The following ENOX1 variants were observed in gnomAD, a reference collection of about 807,000 sequenced individuals.
ENOX1 encodes candidate growth-related and time keeping constitutive hydroquinone (NADH) oxidase.
ENOX1 carries 42 observed loss-of-function variants against 82.5 expected under a neutral mutation model. The observed-to-expected ratio is 0.51, with a 90% CI of 0.40 to 0.66. The LOEUF is 0.66. ENOX1 is among the 30% of genes least tolerant of loss of function. The pLI, the probability that ENOX1 is intolerant of heterozygous loss-of-function variation, is 0.00. For synonymous variants in ENOX1, 271 were observed against 282.2 expected (o/e 0.96, Z 0.40); for missense variants, 608 against 811.6 (o/e 0.75, Z 3.05).
At chr13:43,473,203 T>A (rs2058142574) in intron 3 of ENOX1, among the ~76,000 whole-genome samples, 1 of 152,232 alleles carries the variant, frequency 6.6e-6, no homozygotes, top group African/African-American at 2.4e-5. Flanking sequence ...TTCATCCTAC[T>A]ATGACTGTCA....
At chr13:43,263,544 A>G (rs1394586769) in intron 14 of ENOX1, among the ~76,000 whole-genome samples, 1 of 152,232 alleles carries the variant, frequency 6.6e-6, no homozygotes, top group Non-Finnish European at 1.5e-5. Flanking sequence ...AATTTTTCAA[A>G]AAGGGCCTAT....
intron 2 of ENOX1, among the ~76,000 whole-genome samples, chr13:43,521,047 T>C (rs1291128916): frequency 6.6e-6 from 1 of 152,124 alleles, no homozygotes; most frequent in Admixed American, 6.5e-5. Flanking sequence ...TAGCAATGCA[T>C]GAGGACATAT....
At chr13:43,224,508 G>A (rs944810282) in intron 15 of ENOX1, among the ~76,000 whole-genome samples, 2 of 152,118 alleles carry the variant, frequency 1.3e-5, no homozygotes, top group Admixed American at 6.5e-5. Context: ...TCCCTCAGTG[G>A]ACTTTGCAGT....
chr13:43,666,856 G>C (rs1184999390), intron 2 of ENOX1, among the ~76,000 whole-genome samples: 1 of 152,164 alleles, frequency 6.6e-6, no homozygotes, highest in Non-Finnish European at 1.5e-5. Flanking sequence ...ATAGATCACT[G>C]TCATCCACGT....
intron 1 of ENOX1, among the ~76,000 whole-genome samples, chr13:43,691,538 C>T (rs1358887898): frequency 6.6e-6 from 1 of 152,086 alleles, no homozygotes; most frequent in Non-Finnish European, 1.5e-5. Flanking sequence ...TCACACATTT[C>T]ACACCATACA....
chr13:43,303,048 C>T (rs115349911), intron 11 of ENOX1, among the ~76,000 whole-genome samples: 1,693 of 152,326 alleles, frequency 0.011, 18 homozygotes, highest in African/African-American at 0.037. Context: ...GTTTAACATT[C>T]CCCCTCCACT....
At chr13:43,777,148 T>C (rs1404395095) in intron 1 of ENOX1, among the ~76,000 whole-genome samples, 1 of 152,242 alleles carries the variant, frequency 6.6e-6, no homozygotes, top group Non-Finnish European at 1.5e-5. Context: ...TTCTACCTTC[T>C]GGAATAGCTG....
At chr13:43,402,802 A>G (rs893895154) in intron 5 of ENOX1, among the ~76,000 whole-genome samples, 12 of 152,206 alleles carry the variant, frequency 7.9e-5, no homozygotes, top group Non-Finnish European at 2.9e-5. Context: ...ATATCAGTAT[A>G]GAAACACTCA....
chr13:43,336,066 C>T (rs1420518831), intron 9 of ENOX1, among the ~76,000 whole-genome samples: 3 of 152,144 alleles, frequency 2.0e-5, no homozygotes, highest in Non-Finnish European at 4.4e-5. Context: ...GGAATTTTTT[C>T]CCATGGATGA....
intron 1 of ENOX1, among the ~76,000 whole-genome samples, chr13:43,723,443 G>A (rs893715345): frequency 6.6e-6 from 1 of 152,054 alleles, no homozygotes. Context: ...CTACCTGTTA[G>A]GATTGTTTTG....
At chr13:43,614,910 C>T (rs2082343292) in intron 2 of ENOX1, among the ~76,000 whole-genome samples, 1 of 152,078 alleles carries the variant, frequency 6.6e-6, no homozygotes, top group Non-Finnish European at 1.5e-5. Context: ...GACCCCACCC[C>T]AGAACTACTG....
Position 43,537,250 on chromosome 13 carries a change from C to T in ENOX1, c.-218-53098G>A, listed in dbSNP as rs1291704642. ...CACATAACTGCCACTAGATATGGGG[C>T]TCTGTCACCATGGACGGGTTATCAG... On this transcript the variant is annotated intron_variant, in intron 2 of 16. Transcript: ENST00000690772. 2.0e-5 allele frequency among the ~76,000 whole-genome samples: 3 copies of T among 152,250 alleles called. No individual in the cohort carries two copies. The East Asian group carries it at 5.8e-4, about 29-fold the overall frequency.
At position 43,623,603 on chromosome 13, in the gene ENOX1, C is replaced by G. The variant is rs374939863; in HGVS notation, c.-219+43876G>C. 1.9e-3 allele frequency among the ~76,000 whole-genome samples: 283 copies of G among 152,166 alleles called. 1 individual carries two copies. The highest frequency in any genetic ancestry group is 5.6e-3 in the African/African-American group (233 of 41,516). On this transcript the variant is annotated intron_variant, in intron 2 of 16. Coordinates refer to ENST00000690772, the MANE Select transcript of ENOX1 (RefSeq NM_001347969.2). ...TCAACAGTTTTGCGGGGTGGTATCC[C>G]GGGTCCACTTCCTTCAGAGGGTGTG...
rs188734125 is a variant in ENOX1, at chr13:43,656,182, A to G, written c.-219+11297T>C. Reference sequence around the variant, plus strand: ...CCATGTTACATATAGTTATGGATATATTTTTAGAAAATTGTTTTTTAAATA... The same window carrying G: ...CCATGTTACATATAGTTATGGATATGTTTTTAGAAAATTGTTTTTTAAATA... On this transcript the variant is annotated intron_variant, in intron 2 of 16. Transcript: ENST00000690772. Among the ~76,000 whole-genome samples, 84 of 152,308 alleles carry G rather than the reference A, an allele frequency of 5.5e-4. 1 individual carries two copies. The highest frequency in any genetic ancestry group is 1.8e-3 in the African/African-American group (76 of 41,584).
At chr13:43,327,847 G>A (rs754529764) in intron 9 of ENOX1, among the ~76,000 whole-genome samples, 5 of 152,152 alleles carry the variant, frequency 3.3e-5, no homozygotes, top group Admixed American at 6.5e-5. Flanking sequence ...TTACAATATC[G>A]TGAATACTTT....
intron 2 of ENOX1, among the ~76,000 whole-genome samples, chr13:43,554,751 AT>A (rs2079357768): frequency 6.6e-6 from 1 of 151,886 alleles, no homozygotes; most frequent in South Asian, 2.1e-4. Flanking sequence ...TAATTTTTGT[AT>A]TGTTTGTAGA....
chr13:43,523,001 C>A (rs1462830805), intron 2 of ENOX1, among the ~76,000 whole-genome samples: 1 of 152,278 alleles, frequency 6.6e-6, no homozygotes, highest in South Asian at 2.1e-4. Context: ...TGGATTTCAA[C>A]CACATCACAG....
intron 1 of ENOX1, among the ~76,000 whole-genome samples, chr13:43,733,221 T>A (rs2153822873): frequency 6.6e-6 from 1 of 152,170 alleles, no homozygotes; most frequent in African/African-American, 2.4e-5. Context: ...ACCATACACA[T>A]AAGGAAACAG....
chr13:43,419,283 T>C (rs1210206709), intron 3 of ENOX1, among the ~76,000 whole-genome samples: 2 of 152,128 alleles, frequency 1.3e-5, no homozygotes, highest in African/African-American at 4.8e-5. Context: ...AGATAGGAGC[T>C]AATATCTATA....
Sources: gnomAD v4.1 joint callset for allele counts (sites outside exome capture counted in the v4.1 genomes callset) on GRCh38, gnomAD v4.1.1 for gene constraint, MANE v1.5 for transcripts, NCBI Gene and HGNC (gene_info 2026-07-23, HGNC 2026-07-21) for gene names.